The following CIZ1 variants were observed in gnomAD, a reference collection of about 807,000 sequenced individuals.
CIZ1 encodes the protein CDKN1A interacting zinc finger protein 1.
A neutral mutation model predicts 118.6 loss-of-function variants in CIZ1; 58 were observed. That is an observed-to-expected ratio of 0.49 (90% CI 0.40 to 0.61). The LOEUF (loss-of-function observed/expected upper bound fraction) is 0.61, where lower values mean the gene tolerates loss of function less well. Ranked by LOEUF, CIZ1 falls within the 20% of genes least tolerant of loss-of-function variation. The probability of loss-of-function intolerance (pLI) is 0.00; values close to 1 mark genes in which losing one functional copy is unlikely to be tolerated. For synonymous variants in CIZ1, 448 were observed against 443.4 expected, an observed-to-expected ratio of 1.01 and a Z score of -0.13; for missense variants, 921 against 1,115.9, an observed-to-expected ratio of 0.83 and a Z score of 2.49.
chr9:128,178,967 G>A lies in CIZ1; in HGVS notation c.1240C>T (p.Gln414Ter). The A allele has an allele frequency of 6.2e-7, 1 of 1,613,206 alleles. No individual in the cohort carries two copies. Among genetic ancestry groups the A allele is most frequent in the Non-Finnish European group, 8.5e-7 (1 of 1,179,928 alleles). The change falls in exon 8 of 17, where the codon CAG (glutamine) becomes TAG (stop). Residue 414 changes from glutamine to a stop codon, truncating the protein, a stop_gained. Coordinates refer to ENST00000372938, the MANE Select transcript of CIZ1 (RefSeq NM_001131016.2). LOFTEE classifies it high-confidence loss of function. ...QPQVQPQAHS[Q>*]PPRQVQLQLQ... ...TGCAGCTGCACCTGCCTTGGGGGCT[G>A]TGAATGTGCCTGGGGCTGCACCTGT... is the stretch of plus-strand genomic sequence containing the variant.
chr9:128,182,330 C>T (rs983175927), intron 5 of CIZ1, among the ~76,000 whole-genome samples: 3 of 152,172 alleles, frequency 2.0e-5, no homozygotes, highest in African/African-American at 7.2e-5. Flanking sequence ...AGAGACGCAC[C>T]GACCCTGTGG....
intron 3 of CIZ1, 67 bp downstream of exon 3, chr9:128,190,262 T>C: frequency 8.8e-7 from 1 of 1,130,498 alleles, no homozygotes; most frequent in African/African-American, 1.5e-5. Context: ...AGTTGAGATT[T>C]AGAGCAATGC....
intron 11 of CIZ1, among the ~76,000 whole-genome samples, chr9:128,173,382 T>C (rs1315432906): frequency 6.6e-6 from 1 of 151,760 alleles, no homozygotes. Context: ...CCTGACCTCA[T>C]GATCCACCCG....
intron 1 of CIZ1, among the ~76,000 whole-genome samples, chr9:128,200,938 A>G (rs750073503): frequency 1.3e-4 from 20 of 152,008 alleles, no homozygotes; most frequent in Non-Finnish European, 2.6e-4. Flanking sequence ...GATCGAGACC[A>G]TCCCGGCCGA....
In CIZ1 at chr9:128,181,855, C is replaced by T. The variant is rs1831691265; in HGVS notation, c.589-1041G>A. Among the ~76,000 whole-genome samples the T allele has an allele frequency of 2.0e-5, 3 of 152,006 alleles. No homozygotes were observed. The South Asian group carries it at 6.2e-4, about 32-fold the overall frequency. The stretch of plus-strand genomic sequence containing the variant: ...TGTGGAGGGCCTGACATCAGTCAGG[C>T]TTGCCCGCAGTTATCAGGAGGCCTA... On this transcript the variant is annotated intron_variant, in intron 5 of 16. Coordinates refer to ENST00000372938, the MANE Select transcript of CIZ1 (RefSeq NM_001131016.2).
intron 1 of CIZ1, chr9:128,196,972 A>C (rs1051339265): frequency 2.0e-5 from 3 of 152,180 alleles, no homozygotes; most frequent in Non-Finnish European, 2.9e-5. Context: ...GTACTTGCAC[A>C]GTTTCTATGG....
chr9:128,191,670 G>A (rs1833174193), upstream of CIZ1: 4 of 1,282,442 alleles, frequency 3.1e-6, no homozygotes, highest in South Asian at 2.2e-5. The surrounding 1 kb of genome is among the most constrained non-coding windows in gnomAD (Gnocchi z 5.5). Context: ...CAGTGCACAA[G>A]TCACGCTGGG....
intron 7 of CIZ1, among the ~76,000 whole-genome samples, chr9:128,179,861 G>A (rs1161621610): frequency 2.6e-5 from 4 of 151,692 alleles, no homozygotes; most frequent in Admixed American, 6.6e-5. Context: ...TAGTAGAGAC[G>A]GGGTTTCTCC....
Position 128,166,253 on chromosome 9 carries a change from T to C in CIZ1, c.2641A>G (p.Thr881Ala). The change falls in exon 17 of 17, where the codon ACG (threonine) becomes GCG (alanine). Residue 881 changes from threonine (T) to alanine (A), a missense_variant. Thr to Ala is a moderately conservative substitution (Grantham distance 58). Coordinates refer to ENST00000372938, the MANE Select transcript of CIZ1 (RefSeq NM_001131016.2). The surrounding 1 kb of genome is among the most constrained non-coding windows in gnomAD (Gnocchi z 4.4). Reference protein sequence around the residue: ...NTQDKTPSKVTARPSQPPLPR... With the variant: ...NTQDKTPSKVAARPSQPPLPR... ...AGTGGGGGCTGGGAGGGTCGAGCCG[T>C]CACCTTGCTGGGTGTTTTGTCCTGG... The C allele has an allele frequency of 7.7e-7, 1 of 1,304,722 alleles. No individual in the cohort carries two copies. Among genetic ancestry groups the C allele is most frequent in the Admixed American group, 2.3e-5 (1 of 43,724 alleles). 80.8% of individuals were successfully genotyped at this position (1,304,722 alleles called of 1,614,324 possible).
At position 128,190,396 on chromosome 9, in the gene CIZ1, G is replaced by A; in HGVS notation, c.219C>T (p.Gly73=). 1 of 1,613,976 alleles carries A rather than the reference G, an allele frequency of 6.2e-7. No individual in the cohort carries two copies. The highest frequency in any genetic ancestry group is 8.5e-7 in the Non-Finnish European group (1 of 1,179,914). The stretch of plus-strand genomic sequence containing the variant: ...CGTTGAGGAGGGAGGCTGAGTTGGT[G>A]CCCTGGAGATTCAGAAGCGGCTGCT... ...QPQQPLLNLQ[G]TNSASLLNGS... Residue 73 remains glycine, a synonymous_variant, in exon 3 of 17, where the codon GGC becomes GGT. Coordinates refer to ENST00000372938, the MANE Select transcript of CIZ1 (RefSeq NM_001131016.2).
Position 128,191,501 on chromosome 9 carries a change from C to A in CIZ1, c.-75G>T, listed in dbSNP as rs1413076985. The A allele has an allele frequency of 6.0e-6, 6 of 1,001,546 alleles. No individual in the cohort carries two copies. Among genetic ancestry groups the A allele is most frequent in the African/African-American group, 1.7e-5 (1 of 57,926 alleles). 62.0% of individuals were successfully genotyped at this position (1,001,546 alleles called of 1,614,324 possible). On this transcript the variant is annotated 5_prime_UTR_variant, in exon 1 of 17. The change creates a new upstream start codon in the 5' untranslated region. Transcript: ENST00000372938. The surrounding 1 kb of genome is among the most constrained non-coding windows in gnomAD (Gnocchi z 5.5). ...TGGGCCGGCCCCGCAGCCCCCACGCCTCGGCCGGGCGGCTCCGGCCCGCGG... is the reference window on the plus strand; with the variant it reads ...TGGGCCGGCCCCGCAGCCCCCACGCATCGGCCGGGCGGCTCCGGCCCGCGG...
rs1831149150 is a variant in CIZ1 at position 128,178,473 on chromosome 9, G to C, written c.1516C>G (p.Pro506Ala). 6.2e-7 allele frequency: 1 copy of C among 1,614,056 alleles called. No homozygotes were observed. Among genetic ancestry groups the C allele is most frequent in the Non-Finnish European group, 8.5e-7 (1 of 1,180,032 alleles). ...EAGGGMEKTLPEPVGTQVSME... is the reference protein window; with the variant it reads ...EAGGGMEKTLAEPVGTQVSME... ...CTGACTTGGGTGCCCACAGGCTCTG[G>C]CAAGGTCTTTTCCATGCCTGAAATG... Residue 506 changes from proline (P) to alanine (A), a missense_variant, in exon 9 of 17, where the codon CCA becomes GCA. Pro to Ala is a conservative substitution (Grantham distance 27). Coordinates refer to ENST00000372938, the MANE Select transcript of CIZ1 (RefSeq NM_001131016.2).
upstream of CIZ1, among the ~76,000 whole-genome samples, chr9:128,192,732 G>A (rs1379375113): frequency 6.6e-6 from 1 of 152,144 alleles, no homozygotes; most frequent in Non-Finnish European, 1.5e-5. Context: ...TAATAGAGAC[G>A]GGGCTTCACC....
In CIZ1 at chr9:128,190,439, A is replaced by T; in HGVS notation, c.176T>A (p.Leu59His). ...APLPMAVSRG[L>H]PPQQPQQPLL... ...CGGCTGCTGTGGCTGCTGCGGGGGG[A>T]GCCCCCTGTGTGTTGGGAGGGGGTG... Residue 59 changes from leucine to histidine, a missense_variant, in exon 3 of 17, where the codon CTC (leucine) becomes CAC (histidine). Leu to His is a moderately conservative substitution (Grantham distance 99). Coordinates refer to ENST00000372938, the MANE Select transcript of CIZ1 (RefSeq NM_001131016.2). The T allele has an allele frequency of 6.3e-7, 1 of 1,592,756 alleles. No homozygotes were observed.
intron 14 of CIZ1, among the ~76,000 whole-genome samples, chr9:128,168,215 G>A (rs1829679865): frequency 6.6e-6 from 1 of 152,232 alleles, no homozygotes; most frequent in Admixed American, 6.5e-5. Flanking sequence ...CTGGAAACGT[G>A]TTAAACTGCA....
intron 1 of CIZ1, among the ~76,000 whole-genome samples, chr9:128,201,927 G>A (rs763476113): frequency 1.3e-5 from 2 of 152,036 alleles, no homozygotes; most frequent in African/African-American, 4.8e-5. Context: ...TCCCCACAAG[G>A]GTCACTCTCT....
rs570209023 is a variant in CIZ1 at position 128,176,410 on chromosome 9, G to C, written c.1884C>G (p.Ser628Arg). The C allele has an allele frequency of 8.7e-5, 140 of 1,614,050 alleles. 2 individuals carry two copies. The South Asian group carries it at 1.5e-3, about 17-fold the overall frequency. The change falls in exon 11 of 17, where the codon AGC (serine) becomes AGG (arginine). Residue 628 changes from serine (S) to arginine (R), a missense_variant. Ser to Arg is a moderately radical substitution (Grantham distance 110). Coordinates refer to ENST00000372938, the MANE Select transcript of CIZ1 (RefSeq NM_001131016.2). ...GCAGCAGGGACAGGAGGCAGGCTTG[G>C]CTCATGTGCTGGATCTCCCCTAGCC... Reference protein sequence around the residue: ...QQRLGEIQHMSQACLLSLLPV... With the variant: ...QQRLGEIQHMRQACLLSLLPV...
At position 128,203,454 on chromosome 9, in the gene CIZ1, C is replaced by A. The variant is rs368835504; in HGVS notation, c.-6+732G>T. 1,381 of 1,461,992 alleles carry A rather than the reference C, an allele frequency of 9.4e-4. 16 individuals carry two copies. The African/African-American group carries it at 0.018, about 19-fold the overall frequency. The allele number at this position is 1,461,992 out of a possible 1,614,324, so 90.6% of individuals were successfully genotyped here. On this transcript the variant is annotated intron_variant, in intron 1 of 17. Transcript: ENST00000372948. The surrounding 1 kb of genome is among the most constrained non-coding windows in gnomAD (Gnocchi z 5.3). The stretch of plus-strand genomic sequence containing the variant: ...CTAGCGGCAGCCGGATCGCAGCCTG[C>A]GGGGCCCGCCGCAGCCATGGGCAAC...
upstream of CIZ1, among the ~76,000 whole-genome samples, chr9:128,192,922 T>C (rs1256850621): frequency 2.6e-5 from 4 of 152,188 alleles, 1 homozygote; most frequent in Admixed American, 2.6e-4. Flanking sequence ...CGCCCTGCCT[T>C]CCGCGCCGAC....
Sources: gnomAD v4.1 joint callset for allele counts (sites outside exome capture counted in the v4.1 genomes callset) on GRCh38, gnomAD v4.1.1 for gene constraint, Gnocchi (gnomAD v3.1) non-coding constraint, MANE v1.5 for transcripts, NCBI Gene and HGNC (gene_info 2026-07-23, HGNC 2026-07-21) for gene names.